PPP3CA: variants seen among roughly 807,000 people sequenced by gnomAD.
PPP3CA encodes the protein protein phosphatase 3 catalytic subunit alpha, also known as CAM-PRP catalytic subunit.
Under a neutral mutation model 66.5 loss-of-function variants are expected in PPP3CA, and 14 were observed. The ratio of observed to expected loss-of-function variants is 0.21; its 90% CI spans 0.14 to 0.33. The LOEUF (loss-of-function observed/expected upper bound fraction) is 0.33, where lower values mean the gene tolerates loss of function less well. PPP3CA is among the 10% of genes least tolerant of loss of function. The pLI, the probability that PPP3CA is intolerant of heterozygous loss-of-function variation, is 1.00. For missense variants in PPP3CA, 317 were observed against 639.5 expected, an observed-to-expected ratio of 0.50 and a Z score of 5.44; for synonymous variants, 232 against 226.2, an observed-to-expected ratio of 1.03 and a Z score of -0.23.
In PPP3CA at chr4:101,025,969, C is replaced by T; in HGVS notation, c.1462G>A (p.Asp488Asn). 6.2e-7 allele frequency: 1 copy of T among 1,612,666 alleles called. No individual in the cohort carries two copies. Among genetic ancestry groups the T allele is most frequent in the Non-Finnish European group, 8.5e-7 (1 of 1,179,180 alleles). ...AGGTTGGCGTCAGAGGGCATGGCAT[C>T]TCTGCGAGGCGGCATCCTCTCATTA... ...RINERMPPRR[D>N]AMPSDANLNS... The change falls in exon 14 of 14, where the codon GAT (aspartate) becomes AAT (asparagine). Residue 488 changes from aspartate to asparagine, a missense_variant. By Grantham distance (23) the Asp-to-Asn change is conservative. Transcript: ENST00000394854.
intron 1 of PPP3CA, among the ~76,000 whole-genome samples, chr4:101,249,542 A>C (rs1008658674): frequency 2.6e-5 from 4 of 152,160 alleles, no homozygotes; most frequent in African/African-American, 9.7e-5. Flanking sequence ...ATCAAAAAAA[A>C]AGTATTGAAC....
chr4:101,287,135 C>T (rs1245863909), intron 1 of PPP3CA, among the ~76,000 whole-genome samples: 2 of 151,390 alleles, frequency 1.3e-5, no homozygotes, highest in African/African-American at 4.9e-5. Flanking sequence ...AATTAAATAA[C>T]AAGGTCATTC....
At chr4:101,183,664 C>T (rs1295661031) in intron 2 of PPP3CA, among the ~76,000 whole-genome samples, 1 of 152,094 alleles carries the variant, frequency 6.6e-6, no homozygotes, top group African/African-American at 2.4e-5. Flanking sequence ...TTTTGATTCT[C>T]AAAGTTACAT....
chr4:101,347,104 C>A lies in PPP3CA; in HGVS notation c.-308G>T. ...CACGCCTCCCGGTTCTTCTTTTATTCTTGGGGGAAGGGGGATGGGGAGGAG... is the reference window on the plus strand; with the variant it reads ...CACGCCTCCCGGTTCTTCTTTTATTATTGGGGGAAGGGGGATGGGGAGGAG... On this transcript the variant is annotated 5_prime_UTR_variant, in exon 1 of 14. Transcript: ENST00000394854. 1 of 502,874 alleles carries A rather than the reference C, an allele frequency of 2.0e-6. No individual in the cohort carries two copies. Among genetic ancestry groups the A allele is most frequent in the East Asian group, 3.9e-5 (1 of 25,362 alleles). 31.2% of individuals were successfully genotyped at this position (502,874 alleles called of 1,614,324 possible).
chr4:101,226,106 C>A (rs937622492), intron 1 of PPP3CA, among the ~76,000 whole-genome samples: 3 of 151,636 alleles, frequency 2.0e-5, no homozygotes, highest in Non-Finnish European at 4.4e-5. Flanking sequence ...TAGATATAGG[C>A]CCTAGTAGGA....
intron 6 of PPP3CA, 73 bp from the exon 7 acceptor site, chr4:101,083,336 C>A: frequency 1.6e-6 from 2 of 1,284,134 alleles, no homozygotes; most frequent in Non-Finnish European, 2.2e-6. Flanking sequence ...TCTCTAACAT[C>A]CAGATCTATG....
intron 1 of PPP3CA, among the ~76,000 whole-genome samples, chr4:101,299,541 G>A (rs1275098756): frequency 6.6e-6 from 1 of 151,950 alleles, no homozygotes; most frequent in Non-Finnish European, 1.5e-5. Context: ...ATGGGACCCT[G>A]TCCTATATGG....
At chr4:101,164,827 A>C (rs1026382714) in intron 2 of PPP3CA, among the ~76,000 whole-genome samples, 11 of 152,166 alleles carry the variant, frequency 7.2e-5, no homozygotes, top group Non-Finnish European at 1.5e-4. Flanking sequence ...TCATAATTAA[A>C]ATAGGATTAG....
chr4:101,317,501 G>C (rs1161817222), intron 1 of PPP3CA, among the ~76,000 whole-genome samples: 1 of 151,826 alleles, frequency 6.6e-6, no homozygotes, highest in East Asian at 1.9e-4. Context: ...ATGTGTTTTA[G>C]TATATTTTAT....
intron 2 of PPP3CA, among the ~76,000 whole-genome samples, chr4:101,194,632 T>G (rs1724726867): frequency 1.3e-5 from 2 of 152,064 alleles, no homozygotes; most frequent in Admixed American, 6.6e-5. Context: ...AGTGGCACAG[T>G]CTCAGCTCAC....
At chr4:101,310,410 G>C (rs1046025415) in intron 1 of PPP3CA, among the ~76,000 whole-genome samples, 3 of 151,976 alleles carry the variant, frequency 2.0e-5, no homozygotes, top group African/African-American at 7.2e-5. Flanking sequence ...CATTTTAAAA[G>C]AAAAAAGGCC....
chr4:101,230,996 A>C (rs1462679793), intron 1 of PPP3CA, among the ~76,000 whole-genome samples: 3 of 151,714 alleles, frequency 2.0e-5, no homozygotes, highest in Non-Finnish European at 4.4e-5. Flanking sequence ...CAAAATGCAA[A>C]GTCATTCCAG....
intron 1 of PPP3CA, among the ~76,000 whole-genome samples, chr4:101,335,074 T>A (rs1414734970): frequency 6.6e-6 from 1 of 152,112 alleles, no homozygotes; most frequent in African/African-American, 2.4e-5. Context: ...CACTCTCGTT[T>A]ATACGTAGAT....
intron 2 of PPP3CA, among the ~76,000 whole-genome samples, chr4:101,129,354 T>C (rs1722353855): frequency 6.6e-6 from 1 of 152,186 alleles, no homozygotes; most frequent in African/African-American, 2.4e-5. Context: ...CTGCCAGCTC[T>C]GAAGAGAGCA....
intron 1 of PPP3CA, among the ~76,000 whole-genome samples, chr4:101,241,465 A>G (rs184300226): frequency 6.6e-6 from 1 of 152,136 alleles, no homozygotes. Flanking sequence ...TGTTGAATAA[A>G]AGAAAGAATA....
At chr4:101,264,428 T>C (rs1727104717) in intron 1 of PPP3CA, among the ~76,000 whole-genome samples, 1 of 151,834 alleles carries the variant, frequency 6.6e-6, no homozygotes, top group South Asian at 2.1e-4. Flanking sequence ...GCAGGAAAAA[T>C]CAGCACCTTA....
chr4:101,069,462 CT>C (rs1728819975), intron 8 of PPP3CA, among the ~76,000 whole-genome samples: 1 of 152,090 alleles, frequency 6.6e-6, no homozygotes, highest in Non-Finnish European at 1.5e-5. Context: ...CCTACAACAC[CT>C]TTTCAAACTT....
chr4:101,272,303 A>G (rs537743943), intron 1 of PPP3CA, among the ~76,000 whole-genome samples: 1 of 152,344 alleles, frequency 6.6e-6, no homozygotes, highest in South Asian at 2.1e-4. Flanking sequence ...TTATACTTAA[A>G]GACATTGCTT....
At chr4:101,235,418 C>A (rs1034826853) in intron 1 of PPP3CA, among the ~76,000 whole-genome samples, 12 of 120,502 alleles carry the variant, frequency 1.0e-4, no homozygotes, top group Middle Eastern at 8.3e-3. Flanking sequence ...AATATCAGAA[C>A]CTAAACATAC....
Sources: allele counts gnomAD v4.1 joint callset (sites outside exome capture counted in the v4.1 genomes callset), GRCh38; gene constraint gnomAD v4.1.1; transcripts MANE v1.5; gene names NCBI Gene and HGNC (gene_info 2026-07-23, HGNC 2026-07-21).